Variants in TTC28 observed in about 807,000 individuals in gnomAD.
The protein encoded by TTC28 is tetratricopeptide repeat protein 28.
In TTC28, 61 loss-of-function variants were observed where a neutral mutation model predicts 198.0. That is an observed-to-expected ratio of 0.31 (90% CI 0.25 to 0.38). TTC28 has a LOEUF of 0.38. Among genes scored for constraint, TTC28 ranks in the 10% least tolerant of loss-of-function variants. The pLI, the probability that TTC28 is intolerant of heterozygous loss-of-function variation, is 1.00. For missense variants in TTC28, 2,678 were observed against 3,164.0 expected, an observed-to-expected ratio of 0.85 and a Z score of 3.69; for synonymous variants, 1,171 against 1,297.8, an observed-to-expected ratio of 0.90 and a Z score of 2.10.
At chr22:28,113,784 A>T (rs928705783) in intron 6 of TTC28, among the ~76,000 whole-genome samples, 1 of 152,242 alleles carries the variant, frequency 6.6e-6, no homozygotes, top group Non-Finnish European at 1.5e-5. Context: ...GGTTATGAGT[A>T]TGTGGGAGTT....
chr22:28,271,352 A>G (rs1932058538), intron 5 of TTC28, among the ~76,000 whole-genome samples: 1 of 152,132 alleles, frequency 6.6e-6, no homozygotes, highest in African/African-American at 2.4e-5. Flanking sequence ...TGCTCTAGTT[A>G]ATAAACACTT....
chr22:28,106,309 T>C (rs371672207), intron 7 of TTC28, among the ~76,000 whole-genome samples: 2 of 152,164 alleles, frequency 1.3e-5, no homozygotes, highest in South Asian at 2.1e-4. Flanking sequence ...AGGCACCTTC[T>C]TGGGTTCCCC....
chr22:28,330,655 T>C (rs774325563), intron 2 of TTC28, among the ~76,000 whole-genome samples: 1 of 152,176 alleles, frequency 6.6e-6, no homozygotes, highest in Non-Finnish European at 1.5e-5. Flanking sequence ...ATGAAAGGGA[T>C]CTTTGGCATC....
At chr22:28,505,381 T>TCAGCTGAAATATC (rs1473226146) in intron 2 of TTC28, among the ~76,000 whole-genome samples, 1 of 152,030 alleles carries the variant, frequency 6.6e-6, no homozygotes, top group Non-Finnish European at 1.5e-5. Context: ...TTCAGCACCT[T>TCAGCTGAAATATC]CAGCTGAAAT....
chr22:27,981,806 A>C lies in TTC28; in HGVS notation c.*415T>G. ...AACCGAAAGCCTTAGAAAAAGCTCT[A>C]TTTGTATTTCTGTGTATAAAAGGTA... On this transcript the variant is annotated 3_prime_UTR_variant, in exon 23 of 23. Transcript: ENST00000397906. 6.2e-6 allele frequency: 1 copy of C among 160,656 alleles called. No homozygotes were observed. The highest frequency in any genetic ancestry group is 1.3e-5 in the Non-Finnish European group (1 of 74,500). 10.0% of individuals were successfully genotyped at this position (160,656 alleles called of 1,614,324 possible).
chr22:28,221,155 G>A (rs900340916), intron 5 of TTC28, among the ~76,000 whole-genome samples: 9 of 152,030 alleles, frequency 5.9e-5, no homozygotes, highest in Non-Finnish European at 1.0e-4. Context: ...AGAAGAATAC[G>A]GGCCCTAGGA....
In TTC28 at chr22:28,039,462, T is replaced by C. The variant is rs549582517; in HGVS notation, c.3933-9096A>G. Among the ~76,000 whole-genome samples, 7 of 149,376 alleles carry C rather than the reference T, an allele frequency of 4.7e-5. No individual in the cohort carries two copies. The South Asian group carries it at 8.4e-4, about 18-fold the overall frequency. The stretch of plus-strand genomic sequence containing the variant: ...GCATGTTCTCACTCATAGGTGGGAA[T>C]TGAACAATGAGAACACTTGGACACA... On this transcript the variant is annotated intron_variant, in intron 12 of 22. Transcript: ENST00000397906.
chr22:28,592,493 A>G (rs76597611), intron 2 of TTC28, among the ~76,000 whole-genome samples: 2 of 150,228 alleles, frequency 1.3e-5, no homozygotes, highest in Non-Finnish European at 3.0e-5. Flanking sequence ...TCTGTAATTT[A>G]AAAAAAAAAT....
intron 12 of TTC28, among the ~76,000 whole-genome samples, chr22:28,076,765 T>G (rs1941182969): frequency 6.6e-6 from 1 of 152,158 alleles, no homozygotes; most frequent in African/African-American, 2.4e-5. Context: ...TTTTGTAATT[T>G]TAAATAATGT....
intron 2 of TTC28, among the ~76,000 whole-genome samples, chr22:28,503,549 G>C (rs532710636): frequency 6.6e-6 from 1 of 152,246 alleles, no homozygotes; most frequent in South Asian, 2.1e-4. Context: ...GCTATAAAAA[G>C]AGAATAATAA....
chr22:28,377,821 G>A (rs1333217278), intron 2 of TTC28, among the ~76,000 whole-genome samples: 1 of 151,974 alleles, frequency 6.6e-6, no homozygotes, highest in Non-Finnish European at 1.5e-5. Flanking sequence ...TGGCAGGCAT[G>A]CAAATAAGGA....
intron 22 of TTC28, 112 bp from the exon 23 acceptor site, chr22:27,983,963 C>T: frequency 9.0e-7 from 1 of 1,112,996 alleles, no homozygotes; most frequent in Non-Finnish European, 1.3e-6. Context: ...AAGAATTATG[C>T]AAGAGCTACT....
At chr22:28,392,598 C>G (rs577699907) in intron 2 of TTC28, among the ~76,000 whole-genome samples, 177 of 152,246 alleles carry the variant, frequency 1.2e-3, no homozygotes, top group Middle Eastern at 6.8e-3. Context: ...GGGAGTGACC[C>G]GATTTTCCAG....
At chr22:28,455,654 C>T (rs1377387783) in intron 2 of TTC28, among the ~76,000 whole-genome samples, 2 of 150,032 alleles carry the variant, frequency 1.3e-5, no homozygotes, top group Non-Finnish European at 3.0e-5. Flanking sequence ...GCAGAGGCTG[C>T]AGTGAGACAA....
intron 2 of TTC28, among the ~76,000 whole-genome samples, chr22:28,458,598 T>C (rs1180636785): frequency 1.3e-5 from 2 of 152,064 alleles, no homozygotes; most frequent in East Asian, 1.9e-4. Context: ...TTTACCAAAA[T>C]AGGCTGGGCA....
intron 13 of TTC28, among the ~76,000 whole-genome samples, chr22:28,020,477 G>A (rs1481035841): frequency 6.6e-6 from 1 of 152,240 alleles, no homozygotes; most frequent in Non-Finnish European, 1.5e-5. Context: ...CCAAGGGGCA[G>A]AGGGGTCAGG....
At chr22:28,330,810 C>T (rs1442667064) in intron 2 of TTC28, among the ~76,000 whole-genome samples, 1 of 152,120 alleles carries the variant, frequency 6.6e-6, no homozygotes. Context: ...TATATAAATG[C>T]TGCACATTAA....
intron 12 of TTC28, among the ~76,000 whole-genome samples, chr22:28,042,722 T>TAAA (rs56978450): frequency 7.2e-6 from 1 of 139,146 alleles, no homozygotes. Context: ...GAACTTAAAT[T>TAAA]AAAAAAAAAA....
Position 27,982,277 on chromosome 22 carries a change from C to A in TTC28, c.7390G>T (p.Gly2464Ter). ...APARPLRLPS[G>*]NGYKFLSPGR... ...GGAGACAGGAACTTGTAGCCATTTC[C>A]AGAAGGAAGCCTCAAAGGGCGCGCG... The change falls in exon 23 of 23, where the codon GGA becomes TGA. Residue 2464 changes from glycine to a stop codon, truncating the protein, a stop_gained. Transcript: ENST00000397906. LOFTEE classifies it high-confidence loss of function. The surrounding 1 kb of genome is among the most constrained non-coding windows in gnomAD (Gnocchi z 5.2). 6.8e-7 allele frequency: 1 copy of A among 1,477,344 alleles called. No homozygotes were observed. The allele number at this position is 1,477,344 out of a possible 1,614,324, so 91.5% of individuals were successfully genotyped here.
Sources: gnomAD v4.1 joint callset for allele counts (sites outside exome capture counted in the v4.1 genomes callset) on GRCh38, gnomAD v4.1.1 for gene constraint, Gnocchi (gnomAD v3.1) non-coding constraint, MANE v1.5 for transcripts, NCBI Gene and HGNC (gene_info 2026-07-23, HGNC 2026-07-21) for gene names.